Variants in SPATA13 observed in about 807,000 individuals in gnomAD.
The protein encoded by SPATA13 is spermatogenesis associated 13.
A neutral mutation model predicts 104.0 loss-of-function variants in SPATA13; 50 were observed. The observed-to-expected ratio is 0.48, with a 90% CI of 0.38 to 0.61. The LOEUF (loss-of-function observed/expected upper bound fraction) is 0.61. Ranked by LOEUF, SPATA13 falls within the 20% of genes least tolerant of loss-of-function variation. The pLI is 0.00. For synonymous variants in SPATA13, 606 were observed against 667.5 expected (o/e 0.91, Z 1.42); for missense variants, 1,524 against 1,690.6 (o/e 0.90, Z 1.73).
intron 7 of SPATA13, among the ~76,000 whole-genome samples, chr13:24,287,713 A>G (rs1876058176): frequency 6.6e-6 from 1 of 152,222 alleles, no homozygotes; most frequent in Non-Finnish European, 1.5e-5. Flanking sequence ...TTGTCATGCT[A>G]TTCTACTTGG....
chr13:24,050,143 T>C (rs1040689224), intron 3 of SPATA13, among the ~76,000 whole-genome samples: 11 of 152,190 alleles, frequency 7.2e-5, no homozygotes, highest in Admixed American at 7.2e-4. Context: ...GTGCTGGGAT[T>C]ACAAGTGTGA....
chr13:24,234,516 T>C (rs545343113), intron 2 of SPATA13, among the ~76,000 whole-genome samples: 3 of 152,332 alleles, frequency 2.0e-5, no homozygotes, highest in African/African-American at 7.2e-5. Flanking sequence ...GTGACACCGA[T>C]TGATTTGGCT....
At chr13:24,042,838 A>T (rs1000044789) in intron 3 of SPATA13, among the ~76,000 whole-genome samples, 8 of 152,222 alleles carry the variant, frequency 5.3e-5, no homozygotes, top group Non-Finnish European at 1.0e-4. Flanking sequence ...GTGGTCTGAG[A>T]ATCGCATGTT....
At chr13:24,091,305 G>A (rs1452102892) in intron 3 of SPATA13, among the ~76,000 whole-genome samples, 3 of 152,206 alleles carry the variant, frequency 2.0e-5, no homozygotes, top group African/African-American at 7.2e-5. Context: ...ATATGTCATA[G>A]CTTTACAAAC....
At chr13:24,136,325 A>G (rs2138450577) in intron 3 of SPATA13, among the ~76,000 whole-genome samples, 1 of 152,148 alleles carries the variant, frequency 6.6e-6, no homozygotes, top group South Asian at 2.1e-4. Context: ...AAAAATACAA[A>G]ATTAGCCGGG....
intron 1 of SPATA13, among the ~76,000 whole-genome samples, chr13:24,207,357 A>G (rs544097792): frequency 6.6e-6 from 1 of 152,342 alleles, no homozygotes; most frequent in Admixed American, 6.5e-5. Flanking sequence ...CACATCCCGC[A>G]CATGTACCCC....
chr13:24,257,978 G>A (rs1873871005), intron 4 of SPATA13, among the ~76,000 whole-genome samples: 1 of 152,264 alleles, frequency 6.6e-6, no homozygotes, highest in African/African-American at 2.4e-5. Context: ...GAAACGATAA[G>A]AATTCTGGAT....
chr13:24,219,522 G>T (rs1417164568), intron 1 of SPATA13, among the ~76,000 whole-genome samples: 2 of 152,220 alleles, frequency 1.3e-5, no homozygotes, highest in Non-Finnish European at 2.9e-5. Flanking sequence ...GACAAGGCAG[G>T]ATAACTGATA....
upstream of SPATA13, among the ~76,000 whole-genome samples, chr13:24,158,138 T>A (rs1882318600): frequency 6.6e-6 from 1 of 152,212 alleles, no homozygotes; most frequent in Non-Finnish European, 1.5e-5. Flanking sequence ...GCATCAGTGT[T>A]GTTAGGACGA....
chr13:24,099,576 G>A (rs994960629), intron 3 of SPATA13, among the ~76,000 whole-genome samples: 5 of 152,196 alleles, frequency 3.3e-5, no homozygotes, highest in African/African-American at 1.2e-4. Context: ...GCCTCACAGC[G>A]TGGGAAACAG....
At chr13:24,067,266 C>T (rs1878997415) in intron 3 of SPATA13, among the ~76,000 whole-genome samples, 1 of 152,176 alleles carries the variant, frequency 6.6e-6, no homozygotes, top group African/African-American at 2.4e-5. Context: ...ACACCAGAAT[C>T]CAGATAGCAA....
chr13:24,223,540 G>T lies in SPATA13; in HGVS notation c.611G>T (p.Arg204Leu), dbSNP rs760982297. The T allele has an allele frequency of 3.2e-6, 5 of 1,549,054 alleles. No individual in the cohort carries two copies. Among genetic ancestry groups the T allele is most frequent in the Non-Finnish European group, 3.5e-6 (4 of 1,146,994 alleles). ...AGCACACACCGCTCCCGCAGCCTCC[G>T]CAGAGCCTACGGCCTGGGCCGCATC... ...QRSTHRSRSLRRAYGLGRICL... is the reference protein window; with the variant it reads ...QRSTHRSRSLLRAYGLGRICL... Residue 204 changes from arginine (R) to leucine (L), a missense_variant, in exon 2 of 13, where the codon CGC becomes CTC. By Grantham distance (102) the Arg-to-Leu change is moderately radical. Around this residue, in one of 2 missense-constraint regions of SPATA13, gnomAD observed 1,089 missense variants for 1,135.9 expected, o/e 0.96. Transcript: ENST00000382108.
At chr13:24,072,040 A>C (rs1051338912) in intron 3 of SPATA13, among the ~76,000 whole-genome samples, 1 of 152,168 alleles carries the variant, frequency 6.6e-6, no homozygotes, top group Admixed American at 6.5e-5. Flanking sequence ...TTTTTGTAGA[A>C]GATAAAAGAA....
intron 2 of SPATA13, chr13:24,017,600 A>G: frequency 1.1e-6 from 1 of 884,108 alleles, no homozygotes; most frequent in Non-Finnish European, 1.4e-6. Flanking sequence ...TGGCATTCCG[A>G]TTTAACCTCA....
In SPATA13 at chr13:23,990,762, A is replaced by T. The variant is rs17427444; in HGVS notation, c.-147+6829A>T. The stretch of plus-strand genomic sequence containing the variant: ...TTCCCGTGATCACCCAGAACCTAAC[A>T]TATTGATTGCTCATAAACATCTGTT... On this transcript the variant is annotated intron_variant, in intron 2 of 14. Transcript: ENST00000424834. Among the ~76,000 whole-genome samples the T allele has an allele frequency of 9.1e-3, 1,388 of 152,334 alleles. 9 individuals are homozygous for T. The highest frequency in any genetic ancestry group is 0.015 in the Non-Finnish European group (1,026 of 68,034).
chr13:24,038,452 A>C (rs1271127120), intron 3 of SPATA13, among the ~76,000 whole-genome samples: 24 of 152,152 alleles, frequency 1.6e-4, no homozygotes, highest in Admixed American at 1.6e-3. Context: ...GTTTCCTCCC[A>C]TGCACGCAGC....
intron 1 of SPATA13, among the ~76,000 whole-genome samples, chr13:24,187,271 C>T (rs1266624595): frequency 6.6e-6 from 1 of 152,252 alleles, no homozygotes. Context: ...CTCAGAGTGA[C>T]ACATGAGTCA....
In SPATA13 at chr13:24,161,075, C is replaced by A; in HGVS notation, c.-112+143C>A. 1 of 453,534 alleles carries A rather than the reference C, an allele frequency of 2.2e-6. No individual in the cohort carries two copies. 28.1% of individuals were successfully genotyped at this position (453,534 alleles called of 1,614,324 possible). On this transcript the variant is annotated intron_variant, in intron 1 of 12. Transcript: ENST00000382108. The surrounding 1 kb of genome is among the most constrained non-coding windows in gnomAD (Gnocchi z 4.5). The stretch of plus-strand genomic sequence containing the variant: ...CCCAGCTGCTTGGCCTCTGCTTCCC[C>A]CGCCGGTGGAGGCTACCGGGTGCTC...
At position 24,032,415 on chromosome 13, in the gene SPATA13, C is replaced by G. The variant is rs142063518; in HGVS notation, c.-112+14714C>G. On this transcript the variant is annotated intron_variant, in intron 3 of 14. Transcript: ENST00000424834. ...TGGGAATATTTCTTCTTAAACAGTC[C>G]ACATGGTATTATTCTTAACAACCAC... is the stretch of plus-strand genomic sequence containing the variant. Among the ~76,000 whole-genome samples the G allele has an allele frequency of 2.0e-5, 3 of 152,244 alleles. No individual in the cohort carries two copies. In the East Asian group the frequency reaches 5.8e-4, roughly 29 times the overall value.
Sources: allele counts gnomAD v4.1 joint callset (sites outside exome capture counted in the v4.1 genomes callset), GRCh38; gene constraint gnomAD v4.1.1; regional missense constraint gnomAD v4.1.1; non-coding constraint Gnocchi (gnomAD v3.1); transcripts MANE v1.5; gene names NCBI Gene and HGNC (gene_info 2026-07-23, HGNC 2026-07-21).